RSPRY1: variants seen among roughly 807,000 people sequenced by gnomAD.
RSPRY1 encodes the protein RING finger and SPRY domain-containing protein 1.
A neutral mutation model predicts 73.1 loss-of-function variants in RSPRY1; 23 were observed. That is an observed-to-expected ratio of 0.31 (90% CI 0.23 to 0.45). The LOEUF (loss-of-function observed/expected upper bound fraction) is 0.45, where lower values mean the gene tolerates loss of function less well. Ranked by LOEUF, RSPRY1 falls within the 20% of genes least tolerant of loss-of-function variation. The pLI, the probability that RSPRY1 is intolerant of heterozygous loss-of-function variation, is 1.00. For missense variants in RSPRY1, 448 were observed against 698.7 expected (o/e 0.64, Z 4.05); for synonymous variants, 226 against 251.4 (o/e 0.90, Z 0.95).
At position 57,204,723 on chromosome 16, in the gene RSPRY1, C is replaced by T. The variant is rs1312209678; in HGVS notation, c.65C>T (p.Thr22Ile). The T allele has an allele frequency of 6.2e-7, 1 of 1,614,232 alleles. No homozygotes were observed. The highest frequency in any genetic ancestry group is 2.2e-5 in the East Asian group (1 of 44,890). Residue 22 changes from threonine to isoleucine, a missense_variant, in exon 2 of 15, where the codon ACT becomes ATT. By Grantham distance (89) the Thr-to-Ile change is moderately conservative. Coordinates refer to ENST00000394420, the MANE Select transcript of RSPRY1 (RefSeq NM_133368.3). ...AGCCTTGGCCAGGGTCTGTTGTTGACTCTCGAAGAGCACATAGCCCACTTC... is the reference window on the plus strand; with the variant it reads ...AGCCTTGGCCAGGGTCTGTTGTTGATTCTCGAAGAGCACATAGCCCACTTC... ...SRSLGQGLLL[T>I]LEEHIAHFLG...
intron 14 of RSPRY1, 106 bp from the exon 15 acceptor site, chr16:57,238,773 C>A: frequency 8.8e-6 from 5 of 571,230 alleles, no homozygotes; most frequent in Non-Finnish European, 1.6e-5. Context: ...AATTAGTAAC[C>A]CTTTCAATGA....
At chr16:57,195,549 G>A (rs1485863639) in intron 1 of RSPRY1, among the ~76,000 whole-genome samples, 3 of 152,010 alleles carry the variant, frequency 2.0e-5, no homozygotes, top group Non-Finnish European at 4.4e-5. Context: ...CATATTAAAA[G>A]TATTGCCACT....
At chr16:57,216,392 CT>C in intron 7 of RSPRY1, 1 of 489,366 alleles carries the variant, frequency 2.0e-6, no homozygotes, top group South Asian at 3.2e-5. Context: ...TGTTTACTCA[CT>C]TTTTATAGCC....
chr16:57,221,206 T>C, intron 9 of RSPRY1, 66 bp from the exon 10 acceptor site: 1 of 1,571,898 alleles, frequency 6.4e-7, no homozygotes, highest in South Asian at 1.2e-5. Flanking sequence ...ACCTTCCCAG[T>C]AGTCAGTTAT....
chr16:57,231,126 T>C (rs1371151720), intron 12 of RSPRY1, 41 bp from the exon 13 acceptor site: 1 of 1,579,172 alleles, frequency 6.3e-7, no homozygotes, highest in African/African-American at 1.4e-5. Flanking sequence ...TATTTTGATT[T>C]TTATTAATTC....
At chr16:57,213,164 G>C (rs369519367) in intron 5 of RSPRY1, 66 bp downstream of exon 5, 4 of 1,470,818 alleles carry the variant, frequency 2.7e-6, no homozygotes, top group African/African-American at 2.8e-5. Flanking sequence ...AATTTGTACT[G>C]TATGTCTTTG....
chr16:57,198,395 A>AT (rs397744791), intron 1 of RSPRY1, among the ~76,000 whole-genome samples: 1 of 151,908 alleles, frequency 6.6e-6, no homozygotes, highest in Non-Finnish European at 1.5e-5. Flanking sequence ...AAAAAAAAAA[A>AT]TTGTACTAAA....
intron 11 of RSPRY1, among the ~76,000 whole-genome samples, chr16:57,229,255 T>C (rs1428196983): frequency 2.0e-5 from 3 of 152,188 alleles, no homozygotes; most frequent in East Asian, 3.8e-4. Context: ...GTCATTGCTG[T>C]GTAATTTCAT....
At position 57,213,046 on chromosome 16, in the gene RSPRY1, C is replaced by T; in HGVS notation, c.591C>T (p.Ala197=). Residue 197 remains alanine, a synonymous_variant, in exon 5 of 15, where the codon GCC becomes GCT. Coordinates refer to ENST00000394420, the MANE Select transcript of RSPRY1 (RefSeq NM_133368.3). ...EVACQDSSHP[A]KHRNTSAVLG... Reference sequence around the variant, plus strand: ...CTTGCCAGGACTCAAGCCATCCTGCCAAACACAGGAACACATCTGCAGTCC... The same window carrying T: ...CTTGCCAGGACTCAAGCCATCCTGCTAAACACAGGAACACATCTGCAGTCC... 6.2e-7 allele frequency: 1 copy of T among 1,614,074 alleles called. No homozygotes were observed.
At chr16:57,228,150 G>A (rs1318150472) in intron 11 of RSPRY1, among the ~76,000 whole-genome samples, 2 of 151,960 alleles carry the variant, frequency 1.3e-5, no homozygotes, top group East Asian at 3.9e-4. Flanking sequence ...GCACCCACCT[G>A]CGGTCCCGGC....
At chr16:57,202,878 T>TTTTATATATATA (rs1237175240) in intron 1 of RSPRY1, among the ~76,000 whole-genome samples, 1 of 131,634 alleles carries the variant, frequency 7.6e-6, no homozygotes, top group East Asian at 2.7e-4. Flanking sequence ...TTACATATGA[T>TTTTATATATATA]TATATATATA....
chr16:57,189,634 C>G (rs1177855751), intron 1 of RSPRY1, among the ~76,000 whole-genome samples: 15 of 132,124 alleles, frequency 1.1e-4, no homozygotes, highest in African/African-American at 4.4e-4. Flanking sequence ...TGCTGTCTCT[C>G]AGGCTAGAGT....
chr16:57,212,855 C>A, intron 4 of RSPRY1, 117 bp from the exon 5 acceptor site: 3 of 1,008,690 alleles, frequency 3.0e-6, no homozygotes, highest in South Asian at 3.2e-5. Context: ...CCTTGTGGTC[C>A]GCCCGCCTCG....
rs1237175240 is a variant in RSPRY1, at chr16:57,202,878, T to TTTTATATATATATATATATA, written c.-155-1625_-155-1624insTTATATATATATATATATAT. Among the ~76,000 whole-genome samples the TTTTATATATATATATATATA allele has an allele frequency of 5.3e-5, 7 of 131,630 alleles. No individual in the cohort carries two copies. The East Asian group carries it at 1.1e-3, about 21-fold the overall frequency. 86.4% of individuals were successfully genotyped at this position (131,630 alleles called of 152,430 possible). On this transcript the variant is annotated intron_variant, in intron 1 of 14. Transcript: ENST00000394420. ...TTTATATATATTTTATTACATATGA[T>TTTTATATATATATATATATA]TATATATATATATATATATATATAT... is the stretch of plus-strand genomic sequence containing the variant.
chr16:57,234,323 A>G (rs1486197208), intron 13 of RSPRY1, among the ~76,000 whole-genome samples: 4 of 152,220 alleles, frequency 2.6e-5, no homozygotes, highest in African/African-American at 9.6e-5. Context: ...AATTGTTTTA[A>G]TAACACCCCA....
In RSPRY1 at chr16:57,195,427, G is replaced by A. The variant is rs575395175; in HGVS notation, c.-156+8976G>A. Reference sequence around the variant, plus strand: ...TTCGGGTGGCCGAGGCAGGAGAATCGCCTGAACCGGGGAGATGGAGGTTGC... The same window carrying A: ...TTCGGGTGGCCGAGGCAGGAGAATCACCTGAACCGGGGAGATGGAGGTTGC... On this transcript the variant is annotated intron_variant, in intron 1 of 14. Coordinates refer to ENST00000394420, the MANE Select transcript of RSPRY1 (RefSeq NM_133368.3). 7.2e-5 allele frequency among the ~76,000 whole-genome samples: 11 copies of A among 152,140 alleles called. No homozygotes were observed. In the East Asian group the frequency reaches 1.7e-3, roughly 24 times the overall value.
chr16:57,235,316 C>A, intron 14 of RSPRY1, 88 bp downstream of exon 14: 2 of 922,066 alleles, frequency 2.2e-6, no homozygotes, highest in Non-Finnish European at 3.5e-6. Flanking sequence ...GTATCTAAAG[C>A]AGGCTGAATG....
At chr16:57,215,198 A>C (rs1360023894) in intron 6 of RSPRY1, among the ~76,000 whole-genome samples, 1 of 152,204 alleles carries the variant, frequency 6.6e-6, no homozygotes, top group Admixed American at 6.5e-5. Flanking sequence ...CTAAGGGAAC[A>C]TCACAGGCAG....
chr16:57,210,080 T>G (rs1325772565), intron 4 of RSPRY1, among the ~76,000 whole-genome samples: 1 of 126,614 alleles, frequency 7.9e-6, no homozygotes, highest in African/African-American at 2.9e-5. Flanking sequence ...CCTTCTTTCC[T>G]TCCCTTTCCT....
Sources: allele counts gnomAD v4.1 joint callset (sites outside exome capture counted in the v4.1 genomes callset), GRCh38; gene constraint gnomAD v4.1.1; transcripts MANE v1.5; gene names NCBI Gene and HGNC (gene_info 2026-07-23, HGNC 2026-07-21).